The following ATP2B3 variants were observed in gnomAD, a reference collection of about 807,000 sequenced individuals.
ATP2B3 encodes the protein plasma membrane calcium-transporting ATPase 3.
ATP2B3 carries 12 observed loss-of-function variants against 70.8 expected under a neutral mutation model. That is an observed-to-expected ratio of 0.17 (90% CI 0.11 to 0.27). The LOEUF (loss-of-function observed/expected upper bound fraction) is 0.27. Among genes scored for constraint, ATP2B3 ranks in the 10% least tolerant of loss-of-function variants. ATP2B3 has a pLI of 1.00. For missense variants in ATP2B3, 858 were observed against 1,118.5 expected, an observed-to-expected ratio of 0.77 and a Z score of 3.32; for synonymous variants, 460 against 497.8, an observed-to-expected ratio of 0.92 and a Z score of 1.01.
intron 2 of ATP2B3, among the ~76,000 whole-genome samples, chrX:153,535,501 C>T (rs1213811221): frequency 3.7e-5 from 4 of 109,347 alleles, no homozygotes; most frequent in African/African-American, 6.7e-5. Flanking sequence ...TTTGCCTTTC[C>T]GTCTTGTCCC....
At chrX:153,528,043 G>A (rs1180526676) in intron 2 of ATP2B3, among the ~76,000 whole-genome samples, 1 of 113,046 alleles carries the variant, frequency 8.8e-6, no homozygotes, top group Non-Finnish European at 1.9e-5. Flanking sequence ...AGATTAAAAA[G>A]TGAAGGCCCA....
At chrX:153,529,456 C>T (rs782699352) in intron 2 of ATP2B3, among the ~76,000 whole-genome samples, 55 of 111,895 alleles carry the variant, frequency 4.9e-4, no homozygotes, top group Non-Finnish European at 7.2e-4. Context: ...GCAATCACGG[C>T]GTGTGGCTTG....
At chrX:153,579,447 C>A (rs1338261486) in intron 21 of ATP2B3, among the ~76,000 whole-genome samples, 8 of 112,596 alleles carry the variant, frequency 7.1e-5, no homozygotes, top group African/African-American at 2.6e-4. Flanking sequence ...TTGCTCATAC[C>A]AGCAGGTACT....
intron 20 of ATP2B3, among the ~76,000 whole-genome samples, chrX:153,563,902 G>C (rs782498059): frequency 8.9e-6 from 1 of 112,845 alleles, no homozygotes; most frequent in Non-Finnish European, 1.9e-5. Flanking sequence ...GGCCATGTTC[G>C]ACAAATACAC....
chrX:153,569,280 T>C (rs1307707841), intron 21 of ATP2B3: 1 of 510,740 alleles, frequency 2.0e-6, no homozygotes, highest in Non-Finnish European at 3.6e-6. Context: ...TTGAGAACTA[T>C]GAAGTACTTC....
rs2090929093 is a variant in ATP2B3 at position 153,582,275 on chromosome X, G to T, written c.*1977G>T. The T allele has an allele frequency of 8.8e-6, 1 of 113,006 alleles. No individual in the cohort carries two copies. Among genetic ancestry groups the T allele is most frequent in the Non-Finnish European group, 1.9e-5 (1 of 53,364 alleles). 9.3% of individuals were successfully genotyped at this position (113,006 alleles called of 1,213,427 possible). ...AAAATCCCACTTTAAAATGCCAGCTGCAGATAACTCAAAGCCATCCCTTTT... is the reference window on the plus strand; with the variant it reads ...AAAATCCCACTTTAAAATGCCAGCTTCAGATAACTCAAAGCCATCCCTTTT... On this transcript the variant is annotated 3_prime_UTR_variant, in exon 22 of 22. Transcript: ENST00000263519.
Position 153,562,228 on chromosome X carries a change from C to G in ATP2B3, c.3145C>G (p.Leu1049Val). 1 of 1,210,353 alleles carries G rather than the reference C, an allele frequency of 8.3e-7. No individual in the cohort carries two copies. The highest frequency in any genetic ancestry group is 1.8e-5 in the South Asian group (1 of 56,832). ...LWCLFVGVGE[L>V]VWGQVIATIP... is the part of the protein sequence containing the mutation. ...GTGCCTGTTTGTTGGTGTTGGGGAG[C>G]TGGTCTGGGGACAGGTGAGTGACAG... is the stretch of plus-strand genomic sequence containing the variant. The change falls in exon 20 of 22, where the codon CTG becomes GTG. Residue 1049 changes from leucine to valine, a missense_variant. Coordinates refer to ENST00000263519, the MANE Select transcript of ATP2B3 (RefSeq NM_001001344.3).
At chrX:153,571,473 C>G (rs1278083902) in intron 21 of ATP2B3, among the ~76,000 whole-genome samples, 3 of 112,611 alleles carry the variant, frequency 2.7e-5, no homozygotes, top group African/African-American at 9.7e-5. Flanking sequence ...TTCTCCACAG[C>G]TCTGGCCTCA....
At position 153,547,910 on chromosome X, in the gene ATP2B3, G is replaced by A. The variant is rs781949841; in HGVS notation, c.1034G>A (p.Arg345Gln). Residue 345 changes from arginine to glutamine, a missense_variant, in exon 9 of 22, where the codon CGG (arginine) becomes CAG (glutamine). Arg to Gln is a conservative substitution (Grantham distance 43, BLOSUM62 1). Coordinates refer to ENST00000263519, the MANE Select transcript of ATP2B3 (RefSeq NM_001001344.3). ...GCGGAGGGTGGGGAGATGGAGGAGC[G>A]GGAGAAGAAGAAAGCCAACGCACCC... Reference protein sequence around the residue: ...KSAEGGEMEEREKKKANAPKK... With the variant: ...KSAEGGEMEEQEKKKANAPKK... 25 of 1,209,815 alleles carry A rather than the reference G, an allele frequency of 2.1e-5. No individual in the cohort carries two copies. Among genetic ancestry groups the A allele is most frequent in the Middle Eastern group, 2.3e-4 (1 of 4,367 alleles).
At chrX:153,531,790 G>A (rs1298795006) in intron 2 of ATP2B3, among the ~76,000 whole-genome samples, 1 of 112,764 alleles carries the variant, frequency 8.9e-6, no homozygotes, top group Non-Finnish European at 1.9e-5. Context: ...ATATGTCCAC[G>A]CAGACCCCAG....
intron 3 of ATP2B3, 102 bp downstream of exon 3, chrX:153,536,557 C>T (rs782804135): frequency 7.7e-6 from 7 of 905,614 alleles, no homozygotes; most frequent in African/African-American, 2.0e-5. Context: ...GGTCAAGGGC[C>T]ACCTGTGCCC....
chrX:153,573,156 G>A (rs1351420806), intron 21 of ATP2B3, among the ~76,000 whole-genome samples: 3 of 112,405 alleles, frequency 2.7e-5, no homozygotes, highest in Non-Finnish European at 5.6e-5. Flanking sequence ...GGGTCCCTCC[G>A]GGCCGTTTAG....
At position 153,562,214 on chromosome X, in the gene ATP2B3, T is replaced by C; in HGVS notation, c.3131T>C (p.Val1044Ala). Residue 1044 changes from valine to alanine, a missense_variant, in exon 20 of 22, where the codon GTT becomes GCT. Coordinates refer to ENST00000263519, the MANE Select transcript of ATP2B3 (RefSeq NM_001001344.3). The stretch of plus-strand genomic sequence containing the variant: ...GAACAGTGGCTCTGGTGCCTGTTTG[T>C]TGGTGTTGGGGAGCTGGTCTGGGGA... ...STEQWLWCLF[V>A]GVGELVWGQV... 8.3e-7 allele frequency: 1 copy of C among 1,211,453 alleles called. No homozygotes were observed. Among genetic ancestry groups the C allele is most frequent in the Non-Finnish European group, 1.1e-6 (1 of 895,173 alleles).
intron 21 of ATP2B3, among the ~76,000 whole-genome samples, chrX:153,579,461 G>A (rs1557022119): frequency 8.9e-6 from 1 of 112,461 alleles, no homozygotes; most frequent in East Asian, 2.8e-4. Context: ...AGGTACTTCG[G>A]ACTTTCTGGT....
intron 21 of ATP2B3, among the ~76,000 whole-genome samples, chrX:153,575,800 A>G (rs1264462472): frequency 8.9e-6 from 1 of 111,834 alleles, no homozygotes; most frequent in South Asian, 3.7e-4. Flanking sequence ...GGTGTCAGGG[A>G]TGGGAGAGGA....
At chrX:153,535,664 C>T (rs782665637) in intron 2 of ATP2B3, among the ~76,000 whole-genome samples, 18 of 112,565 alleles carry the variant, frequency 1.6e-4, no homozygotes, top group Non-Finnish European at 2.4e-4. Flanking sequence ...CTGCACAGGG[C>T]GCATCTTAAC....
At chrX:153,576,413 G>A (rs1266285926) in intron 21 of ATP2B3, among the ~76,000 whole-genome samples, 1 of 111,902 alleles carries the variant, frequency 8.9e-6, no homozygotes, top group Non-Finnish European at 1.9e-5. Context: ...GGGTCAAAGT[G>A]CCTCTGAGGT....
Position 153,542,414 on chromosome X carries a change from C to G in ATP2B3, c.756C>G (p.Arg252=). 8.3e-7 allele frequency: 1 copy of G among 1,211,869 alleles called. No individual in the cohort carries two copies. Among genetic ancestry groups the G allele is most frequent in the Admixed American group, 2.2e-5 (1 of 46,145 alleles). ...SSLTGESDHV[R]KSADKDPMLL... ...TGACGGGCGAGTCTGACCACGTGCG[C>G]AAGTCAGCTGACAAAGATCCCATGC... Residue 252 remains arginine, a synonymous_variant, in exon 6 of 22, where the codon CGC becomes CGG. Transcript: ENST00000263519.
At chrX:153,569,609 G>A in intron 21 of ATP2B3, 2 of 1,211,446 alleles carry the variant, frequency 1.7e-6, no homozygotes, top group South Asian at 3.5e-5. Flanking sequence ...ACAGATGGAG[G>A]TAGTGAGTAC....
Sources: allele counts gnomAD v4.1 joint callset (sites outside exome capture counted in the v4.1 genomes callset), GRCh38; gene constraint gnomAD v4.1.1; transcripts MANE v1.5; gene names NCBI Gene and HGNC (gene_info 2026-07-23, HGNC 2026-07-21).